The following FOXO3 variants were observed in gnomAD, a reference collection of about 807,000 sequenced individuals.
FOXO3 encodes forkhead box O3.
FOXO3 carries 4 observed loss-of-function variants against 41.9 expected under a neutral mutation model. That is an observed-to-expected ratio of 0.10 (90% CI 0.05 to 0.22). FOXO3 has a LOEUF of 0.22. Ranked by LOEUF, FOXO3 falls within the 10% of genes least tolerant of loss-of-function variation. The pLI is 1.00. For missense variants in FOXO3, 534 were observed against 906.8 expected (o/e 0.59, Z 5.28); for synonymous variants, 318 against 389.3 (o/e 0.82, Z 2.16).
chr6:108,597,466 CT>C (rs1020829074), intron 1 of FOXO3, among the ~76,000 whole-genome samples: 10 of 151,078 alleles, frequency 6.6e-5, no homozygotes, highest in African/African-American at 1.9e-4. Flanking sequence ...AATGATTGTG[CT>C]TTTTTTTTAA....
intron 1 of FOXO3, among the ~76,000 whole-genome samples, chr6:108,658,369 GA>G (rs905574171): frequency 1.1e-3 from 161 of 152,234 alleles, no homozygotes; most frequent in African/African-American, 3.6e-3. Flanking sequence ...AATGTAACTG[GA>G]AAAACCTGTC....
chr6:108,629,750 A>G (rs748917656), intron 1 of FOXO3, among the ~76,000 whole-genome samples: 5 of 152,072 alleles, frequency 3.3e-5, no homozygotes, highest in African/African-American at 1.2e-4. Flanking sequence ...TTTTATGAAT[A>G]AAGTATTACT....
intron 1 of FOXO3, among the ~76,000 whole-genome samples, chr6:108,615,705 A>G (rs544677207): frequency 1.3e-5 from 2 of 152,030 alleles, no homozygotes; most frequent in Admixed American, 1.3e-4. Flanking sequence ...TCTCAATTAC[A>G]CATATGTTAG....
intron 1 of FOXO3, among the ~76,000 whole-genome samples, chr6:108,660,893 T>C (rs1778824607): frequency 6.6e-6 from 1 of 152,060 alleles, no homozygotes; most frequent in Non-Finnish European, 1.5e-5. Context: ...ACCCAGTCTC[T>C]ACTAAAAATA....
intron 1 of FOXO3, among the ~76,000 whole-genome samples, chr6:108,653,523 A>G (rs1462353531): frequency 1.3e-5 from 2 of 152,096 alleles, no homozygotes; most frequent in African/African-American, 4.8e-5. Flanking sequence ...CAGGTGTGGC[A>G]CTGTGCCTCT....
intron 1 of FOXO3, among the ~76,000 whole-genome samples, chr6:108,620,642 G>A (rs1224494403): frequency 6.6e-6 from 1 of 150,684 alleles, no homozygotes; most frequent in African/African-American, 2.4e-5. Flanking sequence ...ATCTTGGAAA[G>A]AACGAATAAT....
intron 1 of FOXO3, among the ~76,000 whole-genome samples, chr6:108,582,392 A>C (rs1393420281): frequency 1.3e-5 from 2 of 152,232 alleles, no homozygotes. Context: ...GTTGTAAGTT[A>C]TATCCAGTTG....
intron 1 of FOXO3, among the ~76,000 whole-genome samples, chr6:108,644,043 C>T (rs796721498): frequency 6.6e-6 from 1 of 152,198 alleles, no homozygotes; most frequent in African/African-American, 2.4e-5. Flanking sequence ...ATGTCCCTCA[C>T]TGGAAAAGGC....
intron 1 of FOXO3, among the ~76,000 whole-genome samples, chr6:108,627,731 C>A (rs114639195): frequency 4.6e-5 from 7 of 152,140 alleles, no homozygotes; most frequent in African/African-American, 1.7e-4. Flanking sequence ...AAAAAAATCC[C>A]ATAATGCTTT....
At chr6:108,560,099 C>T (rs1419634285), upstream of FOXO3, 1 of 152,294 alleles carries the variant, frequency 6.6e-6, no homozygotes, top group East Asian at 1.9e-4. Context: ...GCTTCCCTTT[C>T]CCCTCCCTGA....
At position 108,652,195 on chromosome 6, in the gene FOXO3, G is replaced by A. The variant is rs150464972; in HGVS notation, c.622-11260G>A. Among the ~76,000 whole-genome samples, 277 of 152,328 alleles carry A rather than the reference G, an allele frequency of 1.8e-3. 1 individual carries two copies. Among genetic ancestry groups the A allele is most frequent in the Middle Eastern group, 6.8e-3 (2 of 294 alleles). On this transcript the variant is annotated intron_variant, in intron 1 of 2. Transcript: ENST00000406360. ...GTGCCACCAAGGAAAGCCTGGATAT[G>A]TAGAAGTTCAGTTTATGGCTATAGT... is the stretch of plus-strand genomic sequence containing the variant.
chr6:108,679,193 GC>G (rs1296977845), intron 2 of FOXO3, among the ~76,000 whole-genome samples: 14 of 152,062 alleles, frequency 9.2e-5, no homozygotes, highest in Non-Finnish European at 1.8e-4. Context: ...TCTTAAGATG[GC>G]CCGCTTAGTA....
intron 1 of FOXO3, among the ~76,000 whole-genome samples, chr6:108,636,553 A>G (rs901855577): frequency 7.2e-5 from 11 of 152,128 alleles, no homozygotes; most frequent in Admixed American, 4.6e-4. Flanking sequence ...CTCACATGCT[A>G]GTATCCTAGA....
chr6:108,618,779 AGTCT>A (rs1777587431), intron 1 of FOXO3, among the ~76,000 whole-genome samples: 1 of 152,200 alleles, frequency 6.6e-6, no homozygotes, highest in Admixed American at 6.5e-5. Flanking sequence ...TGTGCAGATC[AGTCT>A]AAGACTCTAG....
intron 1 of FOXO3, among the ~76,000 whole-genome samples, chr6:108,638,177 A>G (rs1462392081): frequency 1.3e-5 from 2 of 152,214 alleles, no homozygotes; most frequent in Non-Finnish European, 2.9e-5. Context: ...GAGAGTATAA[A>G]GAAGAAGTGG....
Position 108,681,376 on chromosome 6 carries a change from A to C in FOXO3, c.*1584A>C, listed in dbSNP as rs1770844998. ...TGCATGGGCCTTAGGAATACAGGCT[A>C]GTATTTCAGCACAGACTTCCCTGCT... On this transcript the variant is annotated 3_prime_UTR_variant, in exon 3 of 3. Transcript: ENST00000406360. The C allele has an allele frequency of 6.6e-6, 1 of 152,656 alleles. No individual in the cohort carries two copies. The highest frequency in any genetic ancestry group is 1.5e-5 in the Non-Finnish European group (1 of 68,038). The allele number at this position is 152,656 out of a possible 1,614,324, so 9.5% of individuals were successfully genotyped here.
intron 1 of FOXO3, among the ~76,000 whole-genome samples, chr6:108,571,743 A>G (rs1460279119): frequency 2.0e-5 from 3 of 152,206 alleles, no homozygotes; most frequent in African/African-American, 7.2e-5. Context: ...TCTAGCCTCC[A>G]GGACTGAGAA....
intron 1 of FOXO3, chr6:108,617,976 G>A: frequency 1.8e-6 from 1 of 563,322 alleles, no homozygotes; most frequent in Non-Finnish European, 3.3e-6. Context: ...ACAGAGTTCT[G>A]GAATGAAGAA....
At chr6:108,618,665 T>C (rs533215869) in intron 1 of FOXO3, among the ~76,000 whole-genome samples, 2 of 152,364 alleles carry the variant, frequency 1.3e-5, no homozygotes, top group South Asian at 4.1e-4. Context: ...TTGTTGCTGG[T>C]GGAAACATGA....
Sources: gnomAD v4.1 joint callset for allele counts (sites outside exome capture counted in the v4.1 genomes callset) on GRCh38, gnomAD v4.1.1 for gene constraint, MANE v1.5 for transcripts, NCBI Gene and HGNC (gene_info 2026-07-23, HGNC 2026-07-21) for gene names.